SEMA3A: variants seen among roughly 807,000 people sequenced by gnomAD.
SEMA3A encodes semaphorin-3A.
In SEMA3A, 29 loss-of-function variants were observed where a neutral mutation model predicts 97.9. That is an observed-to-expected ratio of 0.30 (90% confidence interval 0.22 to 0.40). SEMA3A has a LOEUF of 0.40. SEMA3A is among the 10% of genes least tolerant of loss of function. SEMA3A has a pLI of 1.00. For synonymous variants in SEMA3A, 321 were observed against 323.7 expected (o/e 0.99, Z 0.09); for missense variants, 763 against 951.3 (o/e 0.80, Z 2.60).
In SEMA3A at chr7:84,453,708, A is replaced by G. The variant is rs558463184; in HGVS notation, c.-246+38752T>C. Among the ~76,000 whole-genome samples, 128 of 152,256 alleles carry G rather than the reference A, an allele frequency of 8.4e-4. 1 individual carries two copies. The highest frequency in any genetic ancestry group is 3.4e-3 in the Middle Eastern group (1 of 294). ...CTGTATTAAATATTCTATCGTGTAC[A>G]TTATCTCAGTAATAAGTACTCTGTA... On this transcript the variant is annotated intron_variant, in intron 1 of 3. Coordinates refer to the SEMA3A transcript ENST00000424555.
chr7:84,076,719 A>G (rs1793964561), intron 4 of SEMA3A, among the ~76,000 whole-genome samples: 1 of 152,126 alleles, frequency 6.6e-6, no homozygotes, highest in Admixed American at 6.5e-5. Flanking sequence ...AAAAATATAT[A>G]AAGTCACTTT....
intron 1 of SEMA3A, among the ~76,000 whole-genome samples, chr7:84,142,401 T>G: frequency 6.6e-6 from 1 of 152,134 alleles, no homozygotes; most frequent in South Asian, 2.1e-4. Flanking sequence ...TAATAGGAGT[T>G]CATTCCCATT....
intron 1 of SEMA3A, among the ~76,000 whole-genome samples, chr7:84,415,459 C>G (rs1283089449): frequency 1.3e-5 from 2 of 151,956 alleles, no homozygotes; most frequent in Non-Finnish European, 2.9e-5. Flanking sequence ...AGAACACTGT[C>G]CTAGCTTTTA....
intron 3 of SEMA3A, among the ~76,000 whole-genome samples, chr7:84,263,862 C>T (rs951424078): frequency 4.6e-5 from 7 of 152,084 alleles, no homozygotes; most frequent in Non-Finnish European, 8.8e-5. Flanking sequence ...GCACTCCAAC[C>T]TAAATTATAA....
chr7:84,131,872 A>G (rs1438510352), intron 2 of SEMA3A, among the ~76,000 whole-genome samples: 2 of 152,164 alleles, frequency 1.3e-5, no homozygotes, highest in East Asian at 3.9e-4. Flanking sequence ...AGCTCACTGC[A>G]GGCTTGACCT....
intron 3 of SEMA3A, among the ~76,000 whole-genome samples, chr7:84,202,220 T>G (rs1001484960): frequency 5.9e-5 from 9 of 152,148 alleles, no homozygotes; most frequent in African/African-American, 1.7e-4. Flanking sequence ...AGAGTGAATG[T>G]AAAGTGTTCT....
intron 6 of SEMA3A, among the ~76,000 whole-genome samples, chr7:84,036,913 A>G (rs964436051): frequency 7.9e-5 from 12 of 152,074 alleles, no homozygotes; most frequent in Admixed American, 2.6e-4. Context: ...AACTTGCATT[A>G]TAAAATTGAG....
chr7:84,423,576 C>T (rs578001307), intron 1 of SEMA3A, among the ~76,000 whole-genome samples: 18 of 152,002 alleles, frequency 1.2e-4, no homozygotes, highest in East Asian at 9.7e-4. Flanking sequence ...ATTTTTTTGT[C>T]GAAATAGATA....
At chr7:84,090,750 T>C (rs1394540857) in intron 4 of SEMA3A, among the ~76,000 whole-genome samples, 1 of 152,096 alleles carries the variant, frequency 6.6e-6, no homozygotes, top group African/African-American at 2.4e-5. Flanking sequence ...ATGTAAAATA[T>C]TCCAGATACT....
intron 3 of SEMA3A, among the ~76,000 whole-genome samples, chr7:84,230,695 G>GTC (rs761944046): frequency 2.0e-5 from 3 of 151,712 alleles, no homozygotes; most frequent in Non-Finnish European, 4.4e-5. Flanking sequence ...TTGGTTTGAT[G>GTC]TCTCAACTTC....
chr7:84,241,165 C>T (rs1799354299), intron 3 of SEMA3A, among the ~76,000 whole-genome samples: 1 of 152,120 alleles, frequency 6.6e-6, no homozygotes, highest in Non-Finnish European at 1.5e-5. Flanking sequence ...GTTCTACATC[C>T]TTGAGGAATC....
rs143845963 is a variant in SEMA3A at position 84,015,175 on chromosome 7, A to G, written c.668-824T>C. 1.5e-3 allele frequency among the ~76,000 whole-genome samples: 222 copies of G among 152,204 alleles called. 2 individuals are homozygous for G. The East Asian group carries it at 0.016, about 11-fold the overall frequency. ...AAACAATTTATTGATTAATCTCTCC[A>G]TTTATCTATCTAATCTTCCTTTGCT... On this transcript the variant is annotated intron_variant, in intron 6 of 16. Coordinates refer to ENST00000265362, the MANE Select transcript of SEMA3A (RefSeq NM_006080.3).
At chr7:84,333,837 T>C (rs898742279) in intron 2 of SEMA3A, among the ~76,000 whole-genome samples, 1 of 152,064 alleles carries the variant, frequency 6.6e-6, no homozygotes, top group Non-Finnish European at 1.5e-5. Context: ...TCAGGGAAGT[T>C]ATTTTTAAAT....
intron 1 of SEMA3A, among the ~76,000 whole-genome samples, chr7:84,457,524 C>T (rs1271574856): frequency 1.3e-5 from 2 of 151,808 alleles, no homozygotes; most frequent in African/African-American, 4.8e-5. Flanking sequence ...ATTTAAAGAA[C>T]TTTTAATTGA....
At chr7:84,364,107 A>C (rs1802787404) in intron 2 of SEMA3A, among the ~76,000 whole-genome samples, 1 of 141,802 alleles carries the variant, frequency 7.1e-6, no homozygotes, top group Non-Finnish European at 1.5e-5. Flanking sequence ...ATGATTTATT[A>C]TAGTTGTTAA....
chr7:84,335,069 C>G (rs1260014688), intron 2 of SEMA3A, among the ~76,000 whole-genome samples: 2 of 152,004 alleles, frequency 1.3e-5, no homozygotes, highest in African/African-American at 2.4e-5. Context: ...GATAAAAATT[C>G]AACCTTAAAA....
chr7:84,197,997 C>T (rs1184516471), upstream of SEMA3A, among the ~76,000 whole-genome samples: 3 of 152,118 alleles, frequency 2.0e-5, no homozygotes, highest in Non-Finnish European at 4.4e-5. Context: ...GCCTCCGCCT[C>T]CCATAGTGGT....
intron 3 of SEMA3A, among the ~76,000 whole-genome samples, chr7:84,255,757 C>A (rs1799705733): frequency 1.3e-5 from 2 of 151,496 alleles, no homozygotes; most frequent in South Asian, 2.1e-4. Context: ...GTAGGCATAC[C>A]AAAATCACTT....
chr7:84,243,169 A>G (rs2116383685), intron 3 of SEMA3A, among the ~76,000 whole-genome samples: 2 of 152,240 alleles, frequency 1.3e-5, no homozygotes, highest in South Asian at 4.1e-4. Context: ...TCATAAACTG[A>G]GTTAAGGAGG....
Sources: allele counts gnomAD v4.1 joint callset (sites outside exome capture counted in the v4.1 genomes callset), GRCh38; gene constraint gnomAD v4.1.1; transcripts MANE v1.5; gene names NCBI Gene and HGNC (gene_info 2026-07-23, HGNC 2026-07-21).